Variants in AGBL1 observed in about 807,000 individuals in gnomAD.
AGBL1 encodes AGBL carboxypeptidase 1, also known as cytosolic carboxypeptidase 4.
In AGBL1, 130 loss-of-function variants were observed where a neutral mutation model predicts 118.9. The ratio of observed to expected loss-of-function variants is 1.09; its 90% CI spans 0.95 to 1.26. The LOEUF is 1.26. Among genes scored for constraint, AGBL1 ranks in the 50% most tolerant of loss-of-function variants. The pLI, the probability that AGBL1 is intolerant of heterozygous loss-of-function variation, is 0.00. For missense variants in AGBL1, 1,584 were observed against 1,298.1 expected, an observed-to-expected ratio of 1.22 and a Z score of -3.38; for synonymous variants, 555 against 478.9, an observed-to-expected ratio of 1.16 and a Z score of -2.08.
rs965393202 is a variant in AGBL1, at chr15:86,913,215, A to G, written c.*5921A>G. On this transcript the variant is annotated 3_prime_UTR_variant, in exon 23 of 23. Coordinates refer to ENST00000614907, the MANE Select transcript of AGBL1 (RefSeq NM_001386094.1). The stretch of plus-strand genomic sequence containing the variant: ...CACACACACATACACACACACACAC[A>G]CACACACACACACGGCACAGGGCTT... 6.6e-6 allele frequency: 1 copy of G among 151,978 alleles called. No homozygotes were observed. Among genetic ancestry groups the G allele is most frequent in the Non-Finnish European group, 1.5e-5 (1 of 68,072 alleles). 9.4% of individuals were successfully genotyped at this position (151,978 alleles called of 1,614,324 possible). A position where few individuals can be genotyped will look rare whatever the true frequency, so the allele number is the denominator to read the frequency against.
At chr15:86,837,545 C>A (rs2079186421) in intron 22 of AGBL1, among the ~76,000 whole-genome samples, 1 of 152,108 alleles carries the variant, frequency 6.6e-6, no homozygotes, top group African/African-American at 2.4e-5. Flanking sequence ...GATGGTATAA[C>A]CCCCAAAGCT....
chr15:86,159,990 G>A (rs2077244367), intron 5 of AGBL1, among the ~76,000 whole-genome samples: 1 of 151,836 alleles, frequency 6.6e-6, no homozygotes, highest in Non-Finnish European at 1.5e-5. Context: ...ATTGAATGCT[G>A]GTTTCTTTAC....
chr15:86,839,130 G>A (rs1021375022), intron 22 of AGBL1, among the ~76,000 whole-genome samples: 1 of 151,966 alleles, frequency 6.6e-6, no homozygotes, highest in Non-Finnish European at 1.5e-5. Context: ...CTGGTTAGAA[G>A]ATTACATTGT....
intron 19 of AGBL1, among the ~76,000 whole-genome samples, chr15:86,526,169 A>G (rs1447761363): frequency 6.6e-6 from 1 of 152,186 alleles, no homozygotes; most frequent in Non-Finnish European, 1.5e-5. Flanking sequence ...GTGAGATACC[A>G]CTTTACGCCA....
At chr15:86,918,233 T>C (rs2080448524), downstream of AGBL1, among the ~76,000 whole-genome samples, 1 of 152,238 alleles carries the variant, frequency 6.6e-6, no homozygotes. Flanking sequence ...GGTAAATAAC[T>C]ATTATGATAC....
intron 21 of AGBL1, among the ~76,000 whole-genome samples, chr15:86,592,533 C>T (rs1013711184): frequency 4.6e-5 from 7 of 152,274 alleles, no homozygotes; most frequent in Admixed American, 1.3e-4. Context: ...GTGCACTGTG[C>T]GCATGCACAG....
At chr15:86,603,815 A>C (rs369859713) in intron 21 of AGBL1, among the ~76,000 whole-genome samples, 8 of 152,318 alleles carry the variant, frequency 5.3e-5, no homozygotes, top group Middle Eastern at 3.4e-3. Context: ...CATTTGCAGC[A>C]GTCTGTTTGC....
At chr15:86,326,955 A>G (rs1281501197) in intron 17 of AGBL1, among the ~76,000 whole-genome samples, 1 of 149,544 alleles carries the variant, frequency 6.7e-6, no homozygotes, top group African/African-American at 2.5e-5. Flanking sequence ...TTTTGCACAG[A>G]GCATTATGAG....
chr15:86,577,032 A>G (rs2084101472), intron 21 of AGBL1, among the ~76,000 whole-genome samples: 1 of 152,206 alleles, frequency 6.6e-6, no homozygotes, highest in Non-Finnish European at 1.5e-5. Context: ...ATACCCAAAA[A>G]TGTGGAAGTG....
intron 22 of AGBL1, among the ~76,000 whole-genome samples, chr15:86,724,795 T>C (rs1415368017): frequency 6.6e-6 from 1 of 152,096 alleles, no homozygotes; most frequent in East Asian, 1.9e-4. Flanking sequence ...TGTTTAAAAG[T>C]GTGTGGCACC....
At chr15:86,339,245 G>T (rs1403832216) in intron 17 of AGBL1, among the ~76,000 whole-genome samples, 2 of 152,134 alleles carry the variant, frequency 1.3e-5, no homozygotes, top group East Asian at 1.9e-4. Context: ...GATAGGTAAG[G>T]TGTTATCCAT....
intron 23 of AGBL1, among the ~76,000 whole-genome samples, chr15:86,958,108 G>A (rs1567259067): frequency 1.3e-5 from 2 of 151,504 alleles, no homozygotes; most frequent in African/African-American, 2.4e-5. Context: ...GGGAAGCTGA[G>A]ACAGGAGAAT....
intron 24 of AGBL1, among the ~76,000 whole-genome samples, chr15:87,002,756 C>G (rs1472445260): frequency 2.6e-5 from 4 of 152,114 alleles, no homozygotes; most frequent in African/African-American, 9.7e-5. Context: ...AATGAGAGTT[C>G]ACTCATGATT....
intron 18 of AGBL1, among the ~76,000 whole-genome samples, chr15:86,500,897 A>G (rs1042601442): frequency 1.3e-5 from 2 of 151,698 alleles, no homozygotes; most frequent in African/African-American, 4.8e-5. Context: ...ATTCATCATC[A>G]GTTGATGGAC....
chr15:86,564,997 C>G (rs2083890251), intron 21 of AGBL1, among the ~76,000 whole-genome samples: 1 of 152,170 alleles, frequency 6.6e-6, no homozygotes, highest in Non-Finnish European at 1.5e-5. Flanking sequence ...CCTTTAAGGA[C>G]TTCTCTACAC....
chr15:86,712,714 G>A (rs980887086), intron 22 of AGBL1, among the ~76,000 whole-genome samples: 1 of 152,158 alleles, frequency 6.6e-6, no homozygotes, highest in Non-Finnish European at 1.5e-5. Context: ...CTTTTGTAAG[G>A]TGCTGATTGG....
rs74027118 is a variant in AGBL1, at chr15:86,816,169, G to A, written c.3159-90918G>A. On this transcript the variant is annotated intron_variant, in intron 22 of 22. Coordinates refer to ENST00000614907, the MANE Select transcript of AGBL1 (RefSeq NM_001386094.1). ...CACATTATAAAAGCCTGAGAACTTG[G>A]GAACACCCACCTTTAGGACAGAGGA... is the stretch of plus-strand genomic sequence containing the variant. Among the ~76,000 whole-genome samples the A allele has an allele frequency of 3.7e-3, 567 of 152,294 alleles. 6 individuals carry two copies. Among genetic ancestry groups the A allele is most frequent in the African/African-American group, 0.013 (535 of 41,566 alleles).
intron 22 of AGBL1, among the ~76,000 whole-genome samples, chr15:86,704,398 G>A (rs1413413659): frequency 6.6e-6 from 1 of 152,030 alleles, no homozygotes; most frequent in Non-Finnish European, 1.5e-5. Flanking sequence ...TCAGACAAAG[G>A]TCTAATATCC....
intron 1 of AGBL1, among the ~76,000 whole-genome samples, chr15:86,105,994 A>C (rs1014118207): frequency 6.6e-6 from 1 of 152,170 alleles, no homozygotes; most frequent in African/African-American, 2.4e-5. Flanking sequence ...CTGAAAAATC[A>C]CTTTTGTCTT....
Sources: gnomAD v4.1 joint callset for allele counts (sites outside exome capture counted in the v4.1 genomes callset) on GRCh38, gnomAD v4.1.1 for gene constraint, MANE v1.5 for transcripts, NCBI Gene and HGNC (gene_info 2026-07-23, HGNC 2026-07-21) for gene names.